The following AFF3 variants were observed in gnomAD, a reference collection of about 807,000 sequenced individuals.
AFF3 encodes AF4/FMR2 family member 3.
AFF3 carries 32 observed loss-of-function variants against 129.7 expected under a neutral mutation model. The ratio of observed to expected loss-of-function variants is 0.25; its 90% CI spans 0.19 to 0.33. The LOEUF is 0.33. Among genes scored for constraint, AFF3 ranks in the 10% least tolerant of loss-of-function variants. The pLI is 1.00. For missense variants in AFF3, 1,373 were observed against 1,592.0 expected (o/e 0.86, Z 2.34); for synonymous variants, 644 against 635.4 (o/e 1.01, Z -0.20).
intron 10 of AFF3, among the ~76,000 whole-genome samples, chr2:99,739,013 A>ATTTTT (rs55856427): frequency 0.078 from 10,733 of 138,260 alleles, 541 homozygotes; most frequent in African/African-American, 0.091. Context: ...GAACTGTTCA[A>ATTTTT]TTTTTTTTTT....
chr2:99,587,237 C>T lies in AFF3; in HGVS notation c.2508G>A (p.Gln836=). The T allele has an allele frequency of 6.2e-7, 1 of 1,614,154 alleles. No homozygotes were observed. Among genetic ancestry groups the T allele is most frequent in the Non-Finnish European group, 8.5e-7 (1 of 1,180,016 alleles). The change falls in exon 16 of 25, where the codon CAG becomes CAA. Residue 836 remains glutamine (Q), a synonymous_variant. Transcript: ENST00000672756. ...GTCTTGAAGAGCTGTCTTTCTCTCC[C>T]TGGGACTTCTTGATCTCCCTGTAGT... ...EDDYREIKKS[Q]GEKDSSSRLA... is the part of the protein sequence containing the mutation.
chr2:99,615,628 T>A (rs1558649210), intron 13 of AFF3, among the ~76,000 whole-genome samples: 1 of 152,198 alleles, frequency 6.6e-6, no homozygotes, highest in Non-Finnish European at 1.5e-5. Context: ...AAAGCGTGGA[T>A]GGAGTGACTG....
At chr2:100,070,842 T>C (rs1446039888) in intron 4 of AFF3, among the ~76,000 whole-genome samples, 1 of 147,086 alleles carries the variant, frequency 6.8e-6, no homozygotes, top group East Asian at 2.0e-4. Context: ...CTAAAAGATC[T>C]ACTCCCTGAA....
At chr2:99,825,825 T>C (rs2105719008) in intron 8 of AFF3, among the ~76,000 whole-genome samples, 1 of 152,316 alleles carries the variant, frequency 6.6e-6, no homozygotes, top group Non-Finnish European at 1.5e-5. Flanking sequence ...CTCTCTTGCA[T>C]TTGTGCCAAT....
At chr2:99,805,665 G>A (rs1434756961) in intron 8 of AFF3, among the ~76,000 whole-genome samples, 1 of 152,104 alleles carries the variant, frequency 6.6e-6, no homozygotes, top group East Asian at 1.9e-4. Context: ...CTTCAGACCT[G>A]CCTGTAACAC....
intron 11 of AFF3, among the ~76,000 whole-genome samples, chr2:99,697,981 GT>G (rs1026195170): frequency 3.3e-5 from 5 of 151,964 alleles, no homozygotes; most frequent in East Asian, 3.9e-4. Context: ...CTCTATGTTT[GT>G]TTTTTTTCCT....
chr2:99,602,053 A>G (rs761257935), intron 13 of AFF3, among the ~76,000 whole-genome samples: 11 of 152,212 alleles, frequency 7.2e-5, no homozygotes, highest in Non-Finnish European at 1.6e-4. Context: ...TTTTTGCCCT[A>G]GAGGAAAATG....
At chr2:100,021,389 C>A (rs1364862276) in intron 4 of AFF3, among the ~76,000 whole-genome samples, 1 of 152,180 alleles carries the variant, frequency 6.6e-6, no homozygotes, top group Non-Finnish European at 1.5e-5. Flanking sequence ...GTATAAGATA[C>A]ATTAAAAATA....
intron 11 of AFF3, among the ~76,000 whole-genome samples, chr2:99,719,278 C>T (rs1225885338): frequency 6.6e-6 from 1 of 152,090 alleles, no homozygotes; most frequent in African/African-American, 2.4e-5. Context: ...ACCAACCATG[C>T]ACTCCTGTGA....
chr2:99,877,730 G>C (rs4851240), intron 7 of AFF3, among the ~76,000 whole-genome samples: 2,682 of 152,310 alleles, frequency 0.018, 72 homozygotes, highest in Admixed American at 0.067. Flanking sequence ...CTGCTTGTTT[G>C]TTACTAGTAT....
chr2:99,936,208 A>G (rs1346790193), intron 7 of AFF3, among the ~76,000 whole-genome samples: 2 of 152,104 alleles, frequency 1.3e-5, no homozygotes, highest in African/African-American at 4.8e-5. Flanking sequence ...CTGGTACGGA[A>G]AGATTAGCAA....
chr2:100,044,774 G>A (rs1003772332), intron 4 of AFF3, among the ~76,000 whole-genome samples: 1 of 152,032 alleles, frequency 6.6e-6, no homozygotes, highest in African/African-American at 2.4e-5. Flanking sequence ...ATCTATGGAT[G>A]TGCCAAAGAA....
chr2:99,593,513 G>A lies in AFF3; in HGVS notation c.2148C>T (p.Gly716=), dbSNP rs1223884847. 1.9e-6 allele frequency: 3 copies of A among 1,613,098 alleles called. No individual in the cohort carries two copies. The highest frequency in any genetic ancestry group is 2.7e-5 in the African/African-American group (2 of 74,906). ...AGCCTACAGGGGCCCTAGGACCACT[G>A]CCCCCGTTGGCAGCGGCCTCCTTCA... ...QRLKEAAANG[G]SGPRAPVGSI... is the part of the protein sequence containing the mutation. Residue 716 remains glycine, a synonymous_variant, in exon 15 of 25, where the codon GGC becomes GGT. Transcript: ENST00000672756.
intron 8 of AFF3, among the ~76,000 whole-genome samples, chr2:99,763,195 C>T (rs1013356772): frequency 2.6e-5 from 4 of 152,196 alleles, no homozygotes; most frequent in Non-Finnish European, 5.9e-5. Flanking sequence ...TGGGCAAAGA[C>T]CCAACATCCC....
At chr2:100,132,728 T>C (rs944012039) in intron 1 of AFF3, among the ~76,000 whole-genome samples, 16 of 152,164 alleles carry the variant, frequency 1.1e-4, no homozygotes, top group African/African-American at 3.6e-4. Context: ...CTAATCTAAT[T>C]TGAAGACTTA....
intron 4 of AFF3, among the ~76,000 whole-genome samples, chr2:100,060,936 T>C (rs1388127158): frequency 1.3e-5 from 2 of 152,220 alleles, no homozygotes; most frequent in East Asian, 3.8e-4. Flanking sequence ...CAGACTTCCC[T>C]TGTTTTCGAT....
At chr2:99,736,605 C>T (rs1258407370) in intron 10 of AFF3, among the ~76,000 whole-genome samples, 1 of 122,928 alleles carries the variant, frequency 8.1e-6, no homozygotes, top group Admixed American at 9.8e-5. Context: ...GTTTAAATTA[C>T]TGATTTTTTT....
intron 19 of AFF3, among the ~76,000 whole-genome samples, chr2:99,567,755 C>T (rs1676109305): frequency 6.6e-6 from 1 of 152,166 alleles, no homozygotes; most frequent in African/African-American, 2.4e-5. Flanking sequence ...CAGAGTGTCT[C>T]CTCTTGGGAA....
At chr2:99,727,662 A>G (rs1447637279) in intron 10 of AFF3, among the ~76,000 whole-genome samples, 1 of 151,728 alleles carries the variant, frequency 6.6e-6, no homozygotes, top group African/African-American at 2.4e-5. Context: ...CCCGGGTTCA[A>G]GCAATTCTCC....
Sources: allele counts gnomAD v4.1 joint callset (sites outside exome capture counted in the v4.1 genomes callset), GRCh38; gene constraint gnomAD v4.1.1; transcripts MANE v1.5; gene names NCBI Gene and HGNC (gene_info 2026-07-23, HGNC 2026-07-21).